FUT8: variants seen among roughly 807,000 people sequenced by gnomAD.
The protein encoded by FUT8 is fucosyltransferase 8, also known as alpha-(1,6)-fucosyltransferase.
Under a neutral mutation model 71.3 loss-of-function variants are expected in FUT8, and 29 were observed. The ratio of observed to expected loss-of-function variants is 0.41; its 90% CI spans 0.30 to 0.55. FUT8 has a LOEUF of 0.55. FUT8 is among the 20% of genes least tolerant of loss of function. The pLI, the probability that FUT8 is intolerant of heterozygous loss-of-function variation, is 0.34. For synonymous variants in FUT8, 254 were observed against 239.3 expected, an observed-to-expected ratio of 1.06 and a Z score of -0.57; for missense variants, 544 against 702.1, an observed-to-expected ratio of 0.77 and a Z score of 2.55.
At chr14:65,491,934 A>G (rs1288826292) in intron 2 of FUT8, among the ~76,000 whole-genome samples, 1 of 152,086 alleles carries the variant, frequency 6.6e-6, no homozygotes, top group African/African-American at 2.4e-5. Flanking sequence ...CTCTGGTGTC[A>G]TGTGTTGTGA....
upstream of FUT8, among the ~76,000 whole-genome samples, chr14:65,408,387 A>G (rs1347747863): frequency 6.6e-6 from 1 of 152,170 alleles, no homozygotes. Flanking sequence ...GTCCAGCCCA[A>G]CTGCAAGGGG....
intron 2 of FUT8, among the ~76,000 whole-genome samples, chr14:65,478,549 G>T (rs2066282433): frequency 6.6e-6 from 1 of 151,988 alleles, no homozygotes; most frequent in South Asian, 2.1e-4. Flanking sequence ...AGAAATTAAT[G>T]GGAAATTTTG....
chr14:65,618,716 G>T (rs1889437277), intron 5 of FUT8, among the ~76,000 whole-genome samples: 1 of 152,080 alleles, frequency 6.6e-6, no homozygotes, highest in African/African-American at 2.4e-5. Context: ...TTTTAGGTTT[G>T]CCTCTGGTAA....
chr14:65,516,517 T>C (rs1043418973), intron 2 of FUT8: 1 of 152,192 alleles, frequency 6.6e-6, no homozygotes, highest in African/African-American at 2.4e-5. Context: ...AAAATTAAAA[T>C]AACTTTATTT....
chr14:65,381,449 C>T, the FUT8 span, among the ~76,000 whole-genome samples: 1 of 152,276 alleles, frequency 6.6e-6, no homozygotes, highest in South Asian at 2.1e-4. Context: ...CTTCTTATTC[C>T]ATCTGACAAC....
the FUT8 span, among the ~76,000 whole-genome samples, chr14:65,401,895 TAAAAAAAAAAAA>T: frequency 9.5e-6 from 1 of 105,266 alleles, no homozygotes; most frequent in East Asian, 2.6e-4. Flanking sequence ...AGACCCTGTC[TAAAAAAAAAAAA>T]AAAAAAAAAA....
chr14:65,427,492 A>G (rs2065407654), intron 1 of FUT8, among the ~76,000 whole-genome samples: 1 of 152,144 alleles, frequency 6.6e-6, no homozygotes. Flanking sequence ...GTGAGGTGAT[A>G]CAGAATTGTG....
chr14:65,742,567 G>C lies in FUT8; in HGVS notation c.*157G>C, dbSNP rs1051865397. The stretch of plus-strand genomic sequence containing the variant: ...CAAGAGCAGCTGGGAACTGACATAG[G>C]CTTCAATTGGTGGAATTCCTCTTTA... On this transcript the variant is annotated 3_prime_UTR_variant, in exon 11 of 11. Transcript: ENST00000673929. 2 of 631,240 alleles carry C rather than the reference G, an allele frequency of 3.2e-6. No individual in the cohort carries two copies. Among genetic ancestry groups the C allele is most frequent in the African/African-American group, 3.7e-5 (2 of 54,100 alleles). 39.1% of individuals were successfully genotyped at this position (631,240 alleles called of 1,614,324 possible).
chr14:65,492,106 A>G (rs1363752634), intron 2 of FUT8, among the ~76,000 whole-genome samples: 4 of 152,228 alleles, frequency 2.6e-5, no homozygotes, highest in Admixed American at 6.5e-5. Context: ...TATGTCTTCA[A>G]TGTGCCTAAT....
intron 2 of FUT8, among the ~76,000 whole-genome samples, chr14:65,513,278 T>G (rs1195459548): frequency 6.6e-6 from 1 of 152,348 alleles, no homozygotes; most frequent in East Asian, 1.9e-4. Flanking sequence ...CATTTGGCAT[T>G]TATTAACTAG....
At chr14:65,718,364 T>G (rs955403905) in intron 7 of FUT8, among the ~76,000 whole-genome samples, 1 of 152,242 alleles carries the variant, frequency 6.6e-6, no homozygotes, top group East Asian at 1.9e-4. Flanking sequence ...ATAAATACTC[T>G]GTACTTTGTC....
intron 3 of FUT8, among the ~76,000 whole-genome samples, chr14:65,564,139 T>G (rs1424653388): frequency 6.6e-6 from 1 of 152,040 alleles, no homozygotes; most frequent in Non-Finnish European, 1.5e-5. Context: ...GCAATGGAGG[T>G]GCTACTAGCA....
intron 2 of FUT8, among the ~76,000 whole-genome samples, chr14:65,534,033 T>C (rs1355210910): frequency 6.6e-6 from 1 of 152,240 alleles, no homozygotes; most frequent in Admixed American, 6.5e-5. Flanking sequence ...TTCGCTAGTA[T>C]TTTGTTGAAG....
At chr14:65,594,615 A>G (rs930020026) in intron 3 of FUT8, among the ~76,000 whole-genome samples, 1 of 151,970 alleles carries the variant, frequency 6.6e-6, no homozygotes, top group African/African-American at 2.4e-5. Flanking sequence ...TGCCCAAGAG[A>G]AATGAGGTCA....
chr14:65,362,281 G>A, the FUT8 span, among the ~76,000 whole-genome samples: 1 of 152,234 alleles, frequency 6.6e-6, no homozygotes, highest in African/African-American at 2.4e-5. Context: ...GCACAACGCT[G>A]TCTTCTAAGG....
At chr14:65,513,228 G>A (rs998756779) in intron 2 of FUT8, among the ~76,000 whole-genome samples, 2 of 152,150 alleles carry the variant, frequency 1.3e-5, no homozygotes, top group Non-Finnish European at 2.9e-5. Context: ...GATTAATATT[G>A]GGTTGACATC....
At chr14:65,427,654 A>G (rs1258644809) in intron 1 of FUT8, among the ~76,000 whole-genome samples, 2 of 152,172 alleles carry the variant, frequency 1.3e-5, no homozygotes, top group Non-Finnish European at 2.9e-5. Context: ...TGAGTTCCTT[A>G]TATACCGAAT....
At chr14:65,441,370 G>C (rs192465597) in intron 1 of FUT8, among the ~76,000 whole-genome samples, 1 of 152,130 alleles carries the variant, frequency 6.6e-6, no homozygotes, top group South Asian at 2.1e-4. Flanking sequence ...CATATATGTT[G>C]ATAATTATTA....
At chr14:65,537,936 G>A (rs1489801268) in intron 2 of FUT8, among the ~76,000 whole-genome samples, 5 of 152,170 alleles carry the variant, frequency 3.3e-5, no homozygotes, top group Non-Finnish European at 4.4e-5. Context: ...TGATGGCAAC[G>A]GGATCTATCC....
Sources: gnomAD v4.1 joint callset for allele counts (sites outside exome capture counted in the v4.1 genomes callset) on GRCh38, gnomAD v4.1.1 for gene constraint, MANE v1.5 for transcripts, NCBI Gene and HGNC (gene_info 2026-07-23, HGNC 2026-07-21) for gene names.